Variants in IRF9 observed in about 807,000 individuals in gnomAD.
IRF9 encodes IFN-alpha-responsive transcription factor subunit.
IRF9 carries 13 observed loss-of-function variants against 44.1 expected under a neutral mutation model. That is an observed-to-expected ratio of 0.29 (90% confidence interval 0.19 to 0.47). The LOEUF (loss-of-function observed/expected upper bound fraction) is 0.47, where lower values mean the gene tolerates loss of function less well. IRF9 is among the 20% of genes least tolerant of loss of function. IRF9 has a pLI of 1.00. For synonymous variants in IRF9, 189 were observed against 188.5 expected, an observed-to-expected ratio of 1.00 and a Z score of -0.02; for missense variants, 373 against 496.1, an observed-to-expected ratio of 0.75 and a Z score of 2.36.
chr14:24,162,993 A>G lies in IRF9; in HGVS notation c.208A>G (p.Lys70Glu). Residue 70 changes from lysine to glutamate, a missense_variant, in exon 3 of 9, where the codon AAG becomes GAG. By Grantham distance (56) the Lys-to-Glu change is moderately conservative (BLOSUM62 1). Coordinates refer to ENST00000396864, the MANE Select transcript of IRF9 (RefSeq NM_006084.5). ...CTGGGCAATATTTAAGGGAAAGTAT[A>G]AGGAGGGGGACACAGGAGGTCCAGC... ...KAWAIFKGKY[K>E]EGDTGGPAVW... 6.2e-7 allele frequency: 1 copy of G among 1,613,912 alleles called. No individual in the cohort carries two copies. The highest frequency in any genetic ancestry group is 8.5e-7 in the Non-Finnish European group (1 of 1,179,956).
intron 2 of IRF9, 82 bp from the exon 3 acceptor site, chr14:24,162,884 C>G: frequency 9.1e-7 from 1 of 1,098,938 alleles, no homozygotes; most frequent in South Asian, 1.4e-5. Context: ...CTCAGAGCTG[C>G]ACGCCTGTAA....
chr14:24,163,993 A>G, intron 5 of IRF9, 34 bp downstream of exon 5: 1 of 1,610,676 alleles, frequency 6.2e-7, no homozygotes, highest in South Asian at 1.1e-5. Flanking sequence ...GTCGTCCCCC[A>G]TGCCACACCC....
Position 24,163,444 on chromosome 14 carries a change from A to C in IRF9, c.431A>C (p.Glu144Ala). 6.2e-7 allele frequency: 1 copy of C among 1,614,172 alleles called. No individual in the cohort carries two copies. Among genetic ancestry groups the C allele is most frequent in the South Asian group, 1.1e-5 (1 of 91,084 alleles). Residue 144 changes from glutamate to alanine, a missense_variant, in exon 4 of 9, where the codon GAG (glutamate) becomes GCG (alanine). Glu to Ala is a moderately radical substitution (Grantham distance 107, BLOSUM62 -1). Transcript: ENST00000396864. ...AGTTCTGTGTCCTCTGAGAGGAAGGAGGAAGAGGATGCCATGCAGAACTGC... is the reference window on the plus strand; with the variant it reads ...AGTTCTGTGTCCTCTGAGAGGAAGGCGGAAGAGGATGCCATGCAGAACTGC... ...QHSSVSSERK[E>A]EEDAMQNCTL...
At chr14:24,165,028 G>A (rs1215831817) in intron 7 of IRF9, 73 bp downstream of exon 7, 1 of 1,386,202 alleles carries the variant, frequency 7.2e-7, no homozygotes, top group African/African-American at 1.4e-5. Context: ...CAACTTGTTG[G>A]GTCCTGCTAC....
chr14:24,165,298 T>G (rs1358606468), intron 7 of IRF9: 1 of 670,700 alleles, frequency 1.5e-6, no homozygotes, highest in Non-Finnish European at 2.7e-6. Context: ...CCTCATGGCC[T>G]TCTCCTACGT....
chr14:24,164,621 A>T lies in IRF9; in HGVS notation c.657A>T (p.Ser219=). The change falls in exon 7 of 9, where the codon TCA becomes TCT. Residue 219 remains serine (S), a synonymous_variant. Transcript: ENST00000396864. The surrounding 1 kb of genome is among the most constrained non-coding windows in gnomAD (Gnocchi z 5.2). ...EFLLPPEPDY[S]LLLTFIYNGR... is the part of the protein sequence containing the mutation. ...GGGCTGTTCTATCCCCAGACTACTC[A>T]CTGCTGCTCACCTTCATCTACAACG... 1.3e-6 allele frequency: 2 copies of T among 1,595,342 alleles called. No individual in the cohort carries two copies. The highest frequency in any genetic ancestry group is 1.7e-6 in the Non-Finnish European group (2 of 1,167,414).
At chr14:24,165,986 T>A in intron 8 of IRF9, 24 bp downstream of exon 8, 1 of 1,601,130 alleles carries the variant, frequency 6.2e-7, no homozygotes, top group Non-Finnish European at 8.6e-7. Context: ...AGGGGTAGAG[T>A]ACCCATCTAA....
chr14:24,163,493 G>A lies in IRF9; in HGVS notation c.480G>A (p.Gln160=). 2 of 1,614,150 alleles carry A rather than the reference G, an allele frequency of 1.2e-6. No homozygotes were observed. The highest frequency in any genetic ancestry group is 1.7e-6 in the Non-Finnish European group (2 of 1,180,000). The change falls in exon 4 of 9, where the codon CAG becomes CAA. Residue 160 remains glutamine (Q), a synonymous_variant. Coordinates refer to ENST00000396864, the MANE Select transcript of IRF9 (RefSeq NM_006084.5). ...GCACACTCAGTCCCTCTGTGCTCCA[G>A]GACTCCCTCAATAATGTAAGAGATG... ...QNCTLSPSVL[Q]DSLNNEEEGA...
At chr14:24,163,634 C>A in intron 4 of IRF9, 126 bp downstream of exon 4, 1 of 1,152,396 alleles carries the variant, frequency 8.7e-7, no homozygotes, top group Non-Finnish European at 1.2e-6. Flanking sequence ...GTCAGAAGTT[C>A]GAAACCAGCC....
Position 24,162,317 on chromosome 14 carries a change from T to C in IRF9, c.173T>C (p.Phe58Ser). ...TTCCGGGAGGACCAGGATGCTGCCT[T>C]CTTCAAGGTGAAAGGGCCTGGAAAC... Reference protein sequence around the residue: ...QDFREDQDAAFFKAWAIFKGK... With the variant: ...QDFREDQDAASFKAWAIFKGK... The change falls in exon 2 of 9, where the codon TTC becomes TCC. Residue 58 changes from phenylalanine (F) to serine (S), a missense_variant. Phe to Ser is a radical substitution (Grantham distance 155). Transcript: ENST00000396864. The C allele has an allele frequency of 1.2e-6, 2 of 1,613,594 alleles. No homozygotes were observed. The highest frequency in any genetic ancestry group is 8.5e-7 in the Non-Finnish European group (1 of 1,179,704).
chr14:24,163,338 C>T lies in IRF9; in HGVS notation c.365-40C>T, dbSNP rs772091384. ...CTCTCCTTCACCCTCTGTCCTTGCTCAAGACCCTGACCTTTCTCTGTCCCT... is the reference window on the plus strand; with the variant it reads ...CTCTCCTTCACCCTCTGTCCTTGCTTAAGACCCTGACCTTTCTCTGTCCCT... On this transcript the variant is annotated intron_variant, in intron 3 of 8. Coordinates refer to ENST00000396864, the MANE Select transcript of IRF9 (RefSeq NM_006084.5). 4 of 1,602,924 alleles carry T rather than the reference C, an allele frequency of 2.5e-6. No homozygotes were observed. In the South Asian group the frequency reaches 3.4e-5, roughly 13 times the overall value.
In IRF9 at chr14:24,165,918, A is replaced by G. The variant is rs762274646; in HGVS notation, c.1063A>G (p.Ser355Gly). ...GGTAACACTGAATTTCTGGGAAGAG[A>G]GCCATGGCTCCAGCCATACTCCACA... ...FQVTLNFWEE[S>G]HGSSHTPQNL... Residue 355 changes from serine (S) to glycine (G), a missense_variant, in exon 8 of 9, where the codon AGC becomes GGC. Coordinates refer to ENST00000396864, the MANE Select transcript of IRF9 (RefSeq NM_006084.5). 6.2e-7 allele frequency: 1 copy of G among 1,614,108 alleles called. No individual in the cohort carries two copies. The highest frequency in any genetic ancestry group is 1.1e-5 in the South Asian group (1 of 91,082).
At chr14:24,162,683 C>A in intron 2 of IRF9, 1 of 445,050 alleles carries the variant, frequency 2.2e-6, no homozygotes, top group Non-Finnish European at 4.0e-6. Context: ...GCCTGTAGTC[C>A]CAGCTACTCG....
intron 4 of IRF9, 119 bp downstream of exon 4, chr14:24,163,627 A>G: frequency 8.1e-7 from 1 of 1,233,680 alleles, no homozygotes; most frequent in South Asian, 1.4e-5. Flanking sequence ...ACGTGAGGTC[A>G]GAAGTTCGAA....
chr14:24,164,847 C>A lies in IRF9; in HGVS notation c.883C>A (p.Pro295Thr). The A allele has an allele frequency of 6.2e-7, 1 of 1,610,688 alleles. No individual in the cohort carries two copies. Reference sequence around the variant, plus strand: ...AGGCCTCTTCGTGCAGCGCCTTTGCCCCATCCCCATCTCCTGGAATGCACC... The same window carrying A: ...AGGCCTCTTCGTGCAGCGCCTTTGCACCATCCCCATCTCCTGGAATGCACC... ...PRGLFVQRLC[P>T]IPISWNAPQA... Residue 295 changes from proline to threonine, a missense_variant, in exon 7 of 9, where the codon CCC becomes ACC. By Grantham distance (38) the Pro-to-Thr change is conservative. Transcript: ENST00000396864. This position sits in a 1 kb window ranked among gnomAD's most constrained non-coding sequence, Gnocchi z 5.2.
Position 24,164,389 on chromosome 14 carries a change from G to A in IRF9, c.650-225G>A. On this transcript the variant is annotated intron_variant, in intron 6 of 8. Coordinates refer to ENST00000396864, the MANE Select transcript of IRF9 (RefSeq NM_006084.5). The surrounding 1 kb of genome is among the most constrained non-coding windows in gnomAD (Gnocchi z 5.2). ...GACATTGATTTCATTGGGCCAAACA[G>A]AGGCCCAATCTCAAGGGACCTTCTA... 1 of 601,304 alleles carries A rather than the reference G, an allele frequency of 1.7e-6. No homozygotes were observed. The highest frequency in any genetic ancestry group is 2.9e-6 in the Non-Finnish European group (1 of 341,642). The allele number at this position is 601,304 out of a possible 1,614,324, so 37.2% of individuals were successfully genotyped here. A position where few individuals can be genotyped will look rare whatever the true frequency, so the allele number is the denominator to read the frequency against.
chr14:24,165,824 A>T, intron 7 of IRF9, 23 bp from the exon 8 acceptor site: 1 of 1,561,034 alleles, frequency 6.4e-7, no homozygotes, highest in Non-Finnish European at 8.8e-7. Context: ...TGTTCTTCGA[A>T]CCCTTGACCC....
At chr14:24,165,210 T>A (rs2038509057) in intron 7 of IRF9, 1 of 702,518 alleles carries the variant, frequency 1.4e-6, no homozygotes, top group Non-Finnish European at 2.6e-6. Flanking sequence ...GAGTGTCATA[T>A]CTTGGAGAAC....
Position 24,163,466 on chromosome 14 carries a change from C to G in IRF9, c.453C>G (p.Asn151Lys). The G allele has an allele frequency of 2.5e-6, 4 of 1,614,196 alleles. No homozygotes were observed. The highest frequency in any genetic ancestry group is 2.5e-6 in the Non-Finnish European group (3 of 1,180,010). ...AGGAGGAAGAGGATGCCATGCAGAA[C>G]TGCACACTCAGTCCCTCTGTGCTCC... is the stretch of plus-strand genomic sequence containing the variant. ...ERKEEEDAMQ[N>K]CTLSPSVLQD... The change falls in exon 4 of 9, where the codon AAC (asparagine) becomes AAG (lysine). Residue 151 changes from asparagine to lysine, a missense_variant. By Grantham distance (94) the Asn-to-Lys change is moderately conservative (BLOSUM62 0). Around this residue, in one of 2 missense-constraint regions of IRF9, gnomAD observed 227 missense variants for 255.3 expected, o/e 0.89. Coordinates refer to ENST00000396864, the MANE Select transcript of IRF9 (RefSeq NM_006084.5).
Sources: allele counts gnomAD v4.1 joint callset, GRCh38; gene constraint gnomAD v4.1.1; regional missense constraint gnomAD v4.1.1; non-coding constraint Gnocchi (gnomAD v3.1); transcripts MANE v1.5; gene names NCBI Gene and HGNC (gene_info 2026-07-23, HGNC 2026-07-21).